The following PTPRT variants were observed in gnomAD, a reference collection of about 807,000 sequenced individuals.
PTPRT encodes the protein receptor-type tyrosine-protein phosphatase T.
PTPRT carries 56 observed loss-of-function variants against 176.8 expected under a neutral mutation model. The ratio of observed to expected loss-of-function variants is 0.32; its 90% confidence interval spans 0.26 to 0.40. PTPRT has a LOEUF of 0.40. PTPRT is among the 10% of genes least tolerant of loss of function. PTPRT has a pLI of 1.00. For missense variants in PTPRT, 1,540 were observed against 1,908.2 expected (o/e 0.81, Z 3.60); for synonymous variants, 783 against 739.0 (o/e 1.06, Z -0.96).
intron 6 of PTPRT, among the ~76,000 whole-genome samples, chr20:42,684,898 G>A (rs1436585692): frequency 8.5e-5 from 13 of 152,230 alleles, no homozygotes; most frequent in Admixed American, 4.6e-4. Flanking sequence ...ATAACACCAT[G>A]GGGCAGCTCC....
chr20:42,591,972 ATTCTT>A (rs2073583361), intron 7 of PTPRT, among the ~76,000 whole-genome samples: 1 of 121,212 alleles, frequency 8.3e-6, no homozygotes, highest in African/African-American at 3.2e-5. Flanking sequence ...TTTGCTGGAG[ATTCTT>A]TTTTTTTTTT....
the PTPRT span, among the ~76,000 whole-genome samples, chr20:42,043,346 G>A: frequency 6.6e-6 from 1 of 152,204 alleles, no homozygotes. Context: ...AGTAAACAAT[G>A]TTGGGTCCCT....
intron 6 of PTPRT, among the ~76,000 whole-genome samples, chr20:42,734,233 G>A (rs1199547722): frequency 1.3e-5 from 2 of 152,162 alleles, no homozygotes; most frequent in Admixed American, 6.5e-5. Flanking sequence ...ATAGACCTCT[G>A]GGACAGTAGG....
At chr20:42,843,523 G>A (rs2078315544) in intron 2 of PTPRT, among the ~76,000 whole-genome samples, 2 of 152,206 alleles carry the variant, frequency 1.3e-5, no homozygotes, top group South Asian at 4.1e-4. Context: ...ATCTCAAATT[G>A]TCATTTCTCC....
intron 9 of PTPRT, among the ~76,000 whole-genome samples, chr20:42,440,282 A>G (rs2059300926): frequency 6.6e-6 from 1 of 152,112 alleles, no homozygotes; most frequent in Non-Finnish European, 1.5e-5. Flanking sequence ...GTGTGATTCT[A>G]ATCTTCAGCC....
At chr20:42,824,978 T>C (rs867492401) in intron 2 of PTPRT, among the ~76,000 whole-genome samples, 4 of 152,040 alleles carry the variant, frequency 2.6e-5, no homozygotes, top group Non-Finnish European at 4.4e-5. Context: ...TAAAATATAT[T>C]TGGCTATATA....
At chr20:42,977,975 T>TAGTA (rs1425605158) in intron 1 of PTPRT, among the ~76,000 whole-genome samples, 3 of 152,122 alleles carry the variant, frequency 2.0e-5, no homozygotes, top group African/African-American at 7.2e-5. Flanking sequence ...GTGCATTGGA[T>TAGTA]AGTACCCAAC....
At chr20:42,169,818 A>C in intron 16 of PTPRT, among the ~76,000 whole-genome samples, 1 of 146,826 alleles carries the variant, frequency 6.8e-6, no homozygotes, top group Non-Finnish European at 1.5e-5. Context: ...TGTTGACCCA[A>C]GAGCCATCCC....
intron 9 of PTPRT, among the ~76,000 whole-genome samples, chr20:42,415,428 T>G (rs2059057245): frequency 6.6e-6 from 1 of 152,122 alleles, no homozygotes; most frequent in Admixed American, 6.6e-5. Context: ...CCCAGGCTGC[T>G]TTTGAACTTC....
intron 5 of PTPRT, among the ~76,000 whole-genome samples, chr20:42,766,736 G>C (rs1176240472): frequency 6.6e-6 from 1 of 152,174 alleles, no homozygotes; most frequent in Non-Finnish European, 1.5e-5. Flanking sequence ...CTGCCAGAAA[G>C]AAGGGCCACC....
At chr20:42,958,050 A>G (rs1981742349) in intron 1 of PTPRT, among the ~76,000 whole-genome samples, 1 of 150,966 alleles carries the variant, frequency 6.6e-6, no homozygotes, top group South Asian at 2.1e-4. Context: ...AGTTCAGCAG[A>G]GAGAGCGGCA....
At chr20:42,653,107 G>A (rs897384536) in intron 7 of PTPRT, among the ~76,000 whole-genome samples, 5 of 152,146 alleles carry the variant, frequency 3.3e-5, no homozygotes, top group African/African-American at 1.2e-4. Context: ...GACCCAGTGG[G>A]AGGTTATTGA....
chr20:42,550,263 C>T (rs999734300), intron 7 of PTPRT, among the ~76,000 whole-genome samples: 1 of 152,014 alleles, frequency 6.6e-6, no homozygotes, highest in East Asian at 1.9e-4. Flanking sequence ...GAAGTATCTC[C>T]AGACCACCGT....
chr20:42,881,590 C>T (rs1300786971), intron 2 of PTPRT, among the ~76,000 whole-genome samples: 1 of 151,822 alleles, frequency 6.6e-6, no homozygotes, highest in Non-Finnish European at 1.5e-5. Context: ...CCAGGCATGG[C>T]GATGTGCGCC....
chr20:42,269,780 T>A (rs1048899337), intron 13 of PTPRT, among the ~76,000 whole-genome samples: 1 of 152,162 alleles, frequency 6.6e-6, no homozygotes, highest in African/African-American at 2.4e-5. Context: ...AAGGGGTAGG[T>A]GGGATTATTC....
intron 27 of PTPRT, among the ~76,000 whole-genome samples, chr20:42,086,751 A>ATATATATATATATATATATATATATAT (rs58059394): frequency 1.0e-5 from 1 of 96,586 alleles, no homozygotes; most frequent in Non-Finnish European, 2.0e-5. Flanking sequence ...AAAAAAAAAA[A>ATATATATATATATATATATATATATAT]AAATATATAT....
chr20:42,599,539 G>A (rs1363473429), intron 7 of PTPRT, among the ~76,000 whole-genome samples: 1 of 152,130 alleles, frequency 6.6e-6, no homozygotes, highest in Admixed American at 6.5e-5. Context: ...GCACTGCATA[G>A]GCTAAGGAGC....
intron 1 of PTPRT, among the ~76,000 whole-genome samples, chr20:43,037,524 A>G (rs1986433302): frequency 6.6e-6 from 1 of 152,238 alleles, no homozygotes; most frequent in South Asian, 2.1e-4. Flanking sequence ...GTAAAACCCT[A>G]CTACCAAGCT....
intron 9 of PTPRT, among the ~76,000 whole-genome samples, chr20:42,374,506 C>A (rs1295467070): frequency 2.0e-5 from 3 of 151,882 alleles, no homozygotes; most frequent in East Asian, 1.9e-4. Flanking sequence ...TAAAGGGAAA[C>A]AACAAAATGA....
Sources: allele counts gnomAD v4.1 joint callset (sites outside exome capture counted in the v4.1 genomes callset), GRCh38; gene constraint gnomAD v4.1.1; transcripts MANE v1.5; gene names NCBI Gene and HGNC (gene_info 2026-07-23, HGNC 2026-07-21).